TMEM233: variants seen among roughly 807,000 people sequenced by gnomAD.
TMEM233 encodes the protein dispanin subfamily B member 2.
A neutral mutation model predicts 11.2 loss-of-function variants in TMEM233; 6 were observed. That is an observed-to-expected ratio of 0.54 (90% CI 0.29 to 1.06). The LOEUF (loss-of-function observed/expected upper bound fraction) is 1.06, where lower values mean the gene tolerates loss of function less well. TMEM233 is among the 50% of genes least tolerant of loss of function. The probability of loss-of-function intolerance (pLI) is 0.08; values close to 1 mark genes in which losing one functional copy is unlikely to be tolerated. For synonymous variants in TMEM233, 59 were observed against 55.8 expected (o/e 1.06, Z -0.26); for missense variants, 127 against 144.7 (o/e 0.88, Z 0.63).
intron 1 of TMEM233, among the ~76,000 whole-genome samples, chr12:119,613,107 C>A (rs759724333): frequency 1.3e-5 from 2 of 151,824 alleles, no homozygotes; most frequent in Non-Finnish European, 2.9e-5. Flanking sequence ...CTATGCCTCC[C>A]CTAGCCCCCC....
the TMEM233 span, among the ~76,000 whole-genome samples, chr12:119,652,510 A>G: frequency 7.9e-5 from 12 of 152,284 alleles, no homozygotes; most frequent in South Asian, 2.1e-4. Flanking sequence ...TTTTCCTCTG[A>G]AGGGTCACCC....
rs1261547135 is a variant in TMEM233, at chr12:119,642,111, A to G, written c.*1406A>G. The G allele has an allele frequency of 6.6e-6, 1 of 152,250 alleles. No individual in the cohort carries two copies. The highest frequency in any genetic ancestry group is 1.5e-5 in the Non-Finnish European group (1 of 68,054). 9.4% of individuals were successfully genotyped at this position (152,250 alleles called of 1,614,324 possible). A position where few individuals can be genotyped will look rare whatever the true frequency, so the allele number is the denominator to read the frequency against. On this transcript the variant is annotated 3_prime_UTR_variant, in exon 3 of 3. Coordinates refer to ENST00000426426, the MANE Select transcript of TMEM233 (RefSeq NM_001136534.3). ...CAGATAAGTATATGTGGCAAAAGTC[A>G]CTTCAAAGAATTAATGTCAGAAAGA...
At chr12:119,631,302 AAGG>A (rs1954879145) in intron 2 of TMEM233, 1 of 156,600 alleles carries the variant, frequency 6.4e-6, no homozygotes, top group African/African-American at 2.4e-5. Context: ...GTGAGGGAGG[AAGG>A]AGACCTCTTT....
chr12:119,610,542 G>A (rs1346021951), intron 1 of TMEM233, among the ~76,000 whole-genome samples: 1 of 152,182 alleles, frequency 6.6e-6, no homozygotes, highest in Non-Finnish European at 1.5e-5. Context: ...GAGGGACCTG[G>A]TGGGAGGTAA....
chr12:119,625,673 G>C (rs1954740613), intron 1 of TMEM233, among the ~76,000 whole-genome samples: 1 of 152,100 alleles, frequency 6.6e-6, no homozygotes, highest in Non-Finnish European at 1.5e-5. Flanking sequence ...ATATAAGTGA[G>C]CAAATAACAC....
chr12:119,606,033 C>T (rs1468326380), intron 1 of TMEM233, among the ~76,000 whole-genome samples: 8 of 152,122 alleles, frequency 5.3e-5, no homozygotes, highest in African/African-American at 1.9e-4. Flanking sequence ...ATGCCCAGCA[C>T]GACTTTTAGG....
intron 1 of TMEM233, among the ~76,000 whole-genome samples, chr12:119,598,485 G>T (rs1044627346): frequency 6.6e-6 from 1 of 152,168 alleles, no homozygotes; most frequent in African/African-American, 2.4e-5. Flanking sequence ...CTACCAATAG[G>T]TGTGTGGGGA....
chr12:119,611,477 A>G (rs960576279), intron 1 of TMEM233, among the ~76,000 whole-genome samples: 5 of 152,168 alleles, frequency 3.3e-5, no homozygotes, highest in African/African-American at 7.2e-5. Flanking sequence ...TTCTTCAAAG[A>G]AATGTCCATT....
intron 1 of TMEM233, among the ~76,000 whole-genome samples, chr12:119,622,764 G>A (rs959448050): frequency 6.6e-6 from 1 of 152,110 alleles, no homozygotes; most frequent in Non-Finnish European, 1.5e-5. Flanking sequence ...TTACCCAGCA[G>A]ATCTACCCGT....
At position 119,640,684 on chromosome 12, in the gene TMEM233, G is replaced by C. The variant is rs533405146; in HGVS notation, c.324-15G>C. On this transcript the variant is annotated splice_polypyrimidine_tract_variant and intron_variant, in intron 2 of 2. Transcript: ENST00000426426. ...CCACGGTCTTTCTCTCTCTCTCTCT[G>C]TCTGTACCACACAGTGCCTGAGGAA... The C allele has an allele frequency of 2.2e-5, 34 of 1,549,948 alleles. No homozygotes were observed. Among genetic ancestry groups the C allele is most frequent in the Middle Eastern group, 1.7e-4 (1 of 5,992 alleles).
chr12:119,640,485 C>T (rs1356912309), intron 2 of TMEM233, among the ~76,000 whole-genome samples: 1 of 152,066 alleles, frequency 6.6e-6, no homozygotes, highest in East Asian at 1.9e-4. Context: ...TTGCACGTAC[C>T]ACATGTAAGA....
chr12:119,621,243 T>A (rs1454416520), intron 1 of TMEM233, among the ~76,000 whole-genome samples: 2 of 152,192 alleles, frequency 1.3e-5, no homozygotes, highest in African/African-American at 4.8e-5. Context: ...TCTCCCTATC[T>A]TGCCCAGGTT....
chr12:119,597,253 G>A (rs947681780), intron 1 of TMEM233, among the ~76,000 whole-genome samples: 3 of 152,204 alleles, frequency 2.0e-5, no homozygotes, highest in African/African-American at 7.2e-5. Flanking sequence ...ATGATTTGTG[G>A]TGCCCTCAAT....
At chr12:119,628,450 C>G (rs1457785465) in intron 1 of TMEM233, among the ~76,000 whole-genome samples, 2 of 150,920 alleles carry the variant, frequency 1.3e-5, no homozygotes, top group African/African-American at 4.9e-5. Context: ...CGTGAGCCAG[C>G]ACGCCCGGCC....
At chr12:119,612,087 G>A (rs192682738) in intron 1 of TMEM233, among the ~76,000 whole-genome samples, 28 of 151,882 alleles carry the variant, frequency 1.8e-4, no homozygotes, top group African/African-American at 4.6e-4. Context: ...TCCGCCTCCC[G>A]GGTTCAAGTG....
chr12:119,637,467 T>C (rs1954988076), intron 2 of TMEM233, among the ~76,000 whole-genome samples: 1 of 152,230 alleles, frequency 6.6e-6, no homozygotes, highest in Non-Finnish European at 1.5e-5. Context: ...AATGAATCCT[T>C]TCCTGGTCTC....
At chr12:119,635,116 G>T (rs916087858) in intron 2 of TMEM233, among the ~76,000 whole-genome samples, 2 of 152,178 alleles carry the variant, frequency 1.3e-5, no homozygotes, top group African/African-American at 4.8e-5. Flanking sequence ...AAATATAGTA[G>T]CTGTCCATTT....
At chr12:119,615,910 C>T (rs1233816500) in intron 1 of TMEM233, among the ~76,000 whole-genome samples, 1 of 152,172 alleles carries the variant, frequency 6.6e-6, no homozygotes, top group Non-Finnish European at 1.5e-5. Flanking sequence ...GGCACAGCCT[C>T]ATGACTGTCT....
the TMEM233 span, among the ~76,000 whole-genome samples, chr12:119,652,890 G>C: frequency 1.3e-4 from 20 of 152,118 alleles, no homozygotes; most frequent in Non-Finnish European, 2.5e-4. Flanking sequence ...TCACAAATTA[G>C]TCAGAAAGAC....
Sources: allele counts gnomAD v4.1 joint callset (sites outside exome capture counted in the v4.1 genomes callset), GRCh38; gene constraint gnomAD v4.1.1; transcripts MANE v1.5; gene names NCBI Gene and HGNC (gene_info 2026-07-23, HGNC 2026-07-21).